The following SBF2 variants were observed in gnomAD, a reference collection of about 807,000 sequenced individuals.
SBF2 encodes the protein SET binding factor 2.
A neutral mutation model predicts 225.2 loss-of-function variants in SBF2; 112 were observed. That is an observed-to-expected ratio of 0.50 (90% CI 0.43 to 0.58). The LOEUF is 0.58. Among genes scored for constraint, SBF2 ranks in the 20% least tolerant of loss-of-function variants. The probability of loss-of-function intolerance (pLI) is 0.00; values close to 1 mark genes in which losing one functional copy is unlikely to be tolerated. For synonymous variants in SBF2, 763 were observed against 773.3 expected (o/e 0.99, Z 0.22); for missense variants, 1,996 against 2,206.2 (o/e 0.90, Z 1.91).
chr11:9,883,232 G>C (rs1288770699), intron 17 of SBF2, among the ~76,000 whole-genome samples: 2 of 151,984 alleles, frequency 1.3e-5, no homozygotes, highest in African/African-American at 4.8e-5. Context: ...GGCAATATTA[G>C]CTAAGATGTC....
intron 2 of SBF2, among the ~76,000 whole-genome samples, chr11:10,095,968 A>C (rs1425008096): frequency 6.6e-6 from 1 of 152,208 alleles, no homozygotes; most frequent in African/African-American, 2.4e-5. Flanking sequence ...GCCATTGCTT[A>C]GTTACTTTAA....
At chr11:10,118,146 T>C (rs1490089564) in intron 2 of SBF2, among the ~76,000 whole-genome samples, 1 of 152,210 alleles carries the variant, frequency 6.6e-6, no homozygotes, top group Non-Finnish European at 1.5e-5. Flanking sequence ...CCCAGATATT[T>C]GAAGGCCAAA....
rs1246429972 is a variant in SBF2, at chr11:10,259,481, G to GA, written c.55+34533dup. ...AACCTTGTCCTTAGAACCTAACTAA[G>GA]AAAAAAGAAAAATCCTATTTCTAGA... On this transcript the variant is annotated intron_variant, in intron 1 of 39. Coordinates refer to ENST00000256190, the MANE Select transcript of SBF2 (RefSeq NM_030962.4). 3.3e-5 allele frequency among the ~76,000 whole-genome samples: 5 copies of GA among 152,000 alleles called. No individual in the cohort carries two copies. The East Asian group carries it at 5.8e-4, about 18-fold the overall frequency.
chr11:10,128,236 C>T (rs1222296190), intron 2 of SBF2, among the ~76,000 whole-genome samples: 1 of 152,202 alleles, frequency 6.6e-6, no homozygotes. Flanking sequence ...TTCCTAACTA[C>T]ACTACCTTCA....
At position 10,223,402 on chromosome 11, in the gene SBF2, TATATA is replaced by T. The variant is rs1565371218; in HGVS notation, c.56-29420_56-29416del. On this transcript the variant is annotated intron_variant, in intron 1 of 39. Coordinates refer to ENST00000256190, the MANE Select transcript of SBF2 (RefSeq NM_030962.4). Reference sequence around the variant, plus strand: ...TAAACAACACATATTTTGCACATTATATATATATATATATATATATATATATATAT... The same window carrying T: ...TAAACAACACATATTTTGCACATTATTATATATATATATATATATATATAT... Among the ~76,000 whole-genome samples the T allele has an allele frequency of 7.9e-4, 46 of 58,394 alleles. 1 individual carries two copies. The East Asian group carries it at 9.9e-3, about 13-fold the overall frequency. 38.3% of individuals were successfully genotyped at this position (58,394 alleles called of 152,430 possible). A position where few individuals can be genotyped will look rare whatever the true frequency, so the allele number is the denominator to read the frequency against.
At chr11:9,966,829 G>A (rs1163588312) in intron 14 of SBF2, among the ~76,000 whole-genome samples, 1 of 152,152 alleles carries the variant, frequency 6.6e-6, no homozygotes, top group Non-Finnish European at 1.5e-5. Context: ...TGGCACGACC[G>A]CTTTGGAAAA....
intron 2 of SBF2, among the ~76,000 whole-genome samples, chr11:10,187,989 T>C (rs916492903): frequency 6.6e-6 from 1 of 152,188 alleles, no homozygotes; most frequent in Non-Finnish European, 1.5e-5. Flanking sequence ...TATTAACAGA[T>C]GATCATCTAA....
At chr11:10,181,072 CT>C (rs1398711896) in intron 2 of SBF2, among the ~76,000 whole-genome samples, 1 of 152,016 alleles carries the variant, frequency 6.6e-6, no homozygotes, top group Non-Finnish European at 1.5e-5. Context: ...TGTTAAAATG[CT>C]TTTTCTCTAA....
intron 26 of SBF2, chr11:9,838,610 T>G (rs573444917): frequency 1.3e-5 from 2 of 152,332 alleles, no homozygotes; most frequent in African/African-American, 2.4e-5. Flanking sequence ...TTTGTAAACT[T>G]AAATTGCCAT....
chr11:10,044,772 T>C (rs907053782), intron 2 of SBF2, among the ~76,000 whole-genome samples: 5 of 152,226 alleles, frequency 3.3e-5, no homozygotes, highest in African/African-American at 1.2e-4. Flanking sequence ...TCTTGTGCCA[T>C]AGCAGAAGAA....
At chr11:10,134,374 C>A (rs6484012) in intron 2 of SBF2, among the ~76,000 whole-genome samples, 11,589 of 152,130 alleles carry the variant, frequency 0.076, 629 homozygotes, top group East Asian at 0.29. Flanking sequence ...CTGGCCCCCC[C>A]CAAACCTCAT....
At chr11:10,164,616 C>T (rs976937952) in intron 2 of SBF2, among the ~76,000 whole-genome samples, 12 of 152,092 alleles carry the variant, frequency 7.9e-5, no homozygotes, top group African/African-American at 2.4e-4. Context: ...TACGGGAGCA[C>T]GGTGCTTCCT....
intron 2 of SBF2, among the ~76,000 whole-genome samples, chr11:10,098,345 T>C (rs1400608670): frequency 6.6e-6 from 1 of 151,974 alleles, no homozygotes; most frequent in Non-Finnish European, 1.5e-5. Context: ...AGAAAAGGTC[T>C]GAAGGACCTC....
At chr11:9,805,779 C>T (rs547396319) in intron 32 of SBF2, among the ~76,000 whole-genome samples, 7 of 152,260 alleles carry the variant, frequency 4.6e-5, no homozygotes, top group East Asian at 3.9e-4. Context: ...TGCGCCCCCA[C>T]GTCTGGCTGA....
intron 17 of SBF2, among the ~76,000 whole-genome samples, chr11:9,894,966 G>C (rs1861121349): frequency 6.6e-6 from 1 of 152,072 alleles, no homozygotes; most frequent in Non-Finnish European, 1.5e-5. Flanking sequence ...TGGGCAACAA[G>C]AGCTAAAACT....
intron 1 of SBF2, among the ~76,000 whole-genome samples, chr11:10,261,205 T>C (rs1961397589): frequency 6.6e-6 from 1 of 152,160 alleles, no homozygotes; most frequent in Admixed American, 6.5e-5. Flanking sequence ...CTTTTTGTTG[T>C]AGTTGTTTTG....
chr11:9,976,072 CTTTTTTT>C (rs773334975), intron 13 of SBF2, among the ~76,000 whole-genome samples: 11 of 128,262 alleles, frequency 8.6e-5, no homozygotes, highest in Non-Finnish European at 1.8e-4. Context: ...TCTTCTTCTT[CTTTTTTT>C]TTTTTTTTTT....
chr11:9,991,794 T>C (rs1590698289), intron 12 of SBF2, among the ~76,000 whole-genome samples: 1 of 152,180 alleles, frequency 6.6e-6, no homozygotes, highest in South Asian at 2.1e-4. Context: ...ATATATTTAA[T>C]GTCTCCTAAG....
chr11:10,233,138 T>C (rs939564120), intron 1 of SBF2, among the ~76,000 whole-genome samples: 1 of 152,218 alleles, frequency 6.6e-6, no homozygotes, highest in African/African-American at 2.4e-5. Flanking sequence ...TTAGTACTAA[T>C]TTTCATATCT....
Sources: gnomAD v4.1 joint callset for allele counts (sites outside exome capture counted in the v4.1 genomes callset) on GRCh38, gnomAD v4.1.1 for gene constraint, MANE v1.5 for transcripts, NCBI Gene and HGNC (gene_info 2026-07-23, HGNC 2026-07-21) for gene names.